The following MLLT3 variants were observed in gnomAD, a reference collection of about 807,000 sequenced individuals.
MLLT3 encodes the protein MLLT3 super elongation complex subunit.
In MLLT3, 4 loss-of-function variants were observed where a neutral mutation model predicts 53.2. The observed-to-expected ratio is 0.08, with a 90% CI of 0.04 to 0.17. The LOEUF (loss-of-function observed/expected upper bound fraction) is 0.17, where lower values mean the gene tolerates loss of function less well. Ranked by LOEUF, MLLT3 falls within the 10% of genes least tolerant of loss-of-function variation. The pLI is 1.00. For synonymous variants in MLLT3, 283 were observed against 230.6 expected, an observed-to-expected ratio of 1.23 and a Z score of -2.06; for missense variants, 569 against 684.0, an observed-to-expected ratio of 0.83 and a Z score of 1.87.
intron 2 of MLLT3, among the ~76,000 whole-genome samples, chr9:20,497,205 C>G (rs1405564650): frequency 6.6e-6 from 1 of 152,166 alleles, no homozygotes; most frequent in Non-Finnish European, 1.5e-5. Context: ...TAGAATATGG[C>G]CTGGGGTCTA....
chr9:20,451,670 C>T (rs754434144), intron 3 of MLLT3, among the ~76,000 whole-genome samples: 1 of 152,156 alleles, frequency 6.6e-6, no homozygotes, highest in Non-Finnish European at 1.5e-5. Context: ...AATGAGAAAG[C>T]ATGTGCTTGC....
chr9:20,587,690 T>A (rs1454607256), intron 2 of MLLT3, among the ~76,000 whole-genome samples: 1 of 152,092 alleles, frequency 6.6e-6, no homozygotes, highest in Non-Finnish European at 1.5e-5. Context: ...ATGGGGTTGT[T>A]TGTTTTTTTC....
intron 2 of MLLT3, among the ~76,000 whole-genome samples, chr9:20,549,050 A>G (rs1388940519): frequency 3.3e-5 from 5 of 152,120 alleles, no homozygotes; most frequent in African/African-American, 4.8e-5. Context: ...CCTGGGCTCA[A>G]GCAATCCACA....
At chr9:20,396,869 C>A (rs992358132) in intron 5 of MLLT3, among the ~76,000 whole-genome samples, 1 of 152,052 alleles carries the variant, frequency 6.6e-6, no homozygotes, top group Non-Finnish European at 1.5e-5. Flanking sequence ...AAAAAAGAAC[C>A]ACAATCCAAG....
At chr9:20,541,487 A>G (rs562844217) in intron 2 of MLLT3, among the ~76,000 whole-genome samples, 24 of 152,344 alleles carry the variant, frequency 1.6e-4, no homozygotes, top group Non-Finnish European at 3.2e-4. Flanking sequence ...CAATCATGGC[A>G]GAGAGAGAAG....
chr9:20,581,705 G>T (rs990628553), intron 2 of MLLT3, among the ~76,000 whole-genome samples: 3 of 152,134 alleles, frequency 2.0e-5, no homozygotes, highest in Non-Finnish European at 2.9e-5. Flanking sequence ...CATATAAGAT[G>T]CAGGAACACT....
intron 5 of MLLT3, among the ~76,000 whole-genome samples, chr9:20,388,116 C>A (rs1822086698): frequency 6.6e-6 from 1 of 152,150 alleles, no homozygotes; most frequent in Admixed American, 6.5e-5. Context: ...CAAATTGATT[C>A]TTGCATAGAC....
intron 5 of MLLT3, among the ~76,000 whole-genome samples, chr9:20,380,681 T>A (rs138706862): frequency 6.6e-6 from 1 of 151,958 alleles, no homozygotes; most frequent in South Asian, 2.1e-4. Flanking sequence ...TTAAACACCA[T>A]AGACCGAAAA....
intron 2 of MLLT3, among the ~76,000 whole-genome samples, chr9:20,467,550 C>T (rs1309566360): frequency 6.6e-6 from 1 of 152,154 alleles, no homozygotes; most frequent in Non-Finnish European, 1.5e-5. Flanking sequence ...TGCACTCCAG[C>T]CTGGCGACAG....
At chr9:20,452,698 T>C (rs967601761) in intron 3 of MLLT3, among the ~76,000 whole-genome samples, 3 of 152,032 alleles carry the variant, frequency 2.0e-5, no homozygotes, top group African/African-American at 7.2e-5. Flanking sequence ...TTCAGTAACA[T>C]GAAAAATAAA....
chr9:20,535,429 G>A (rs984042272), intron 2 of MLLT3, among the ~76,000 whole-genome samples: 48 of 152,068 alleles, frequency 3.2e-4, no homozygotes, highest in African/African-American at 1.1e-3. Flanking sequence ...AGCACCACAG[G>A]GTCAATCAGG....
At chr9:20,574,303 C>T (rs1405708923) in intron 2 of MLLT3, among the ~76,000 whole-genome samples, 5 of 152,138 alleles carry the variant, frequency 3.3e-5, no homozygotes, top group Admixed American at 6.5e-5. Context: ...AACCTAATTC[C>T]ACTGTCTGAA....
intron 2 of MLLT3, among the ~76,000 whole-genome samples, chr9:20,577,481 G>A (rs939312973): frequency 1.2e-4 from 18 of 152,124 alleles, no homozygotes; most frequent in African/African-American, 3.6e-4. Context: ...CTTAACCCAT[G>A]TACCTTTTCA....
At chr9:20,353,681 GGCA>G in intron 9 of MLLT3, 85 bp from the exon 10 acceptor site, 5 of 1,162,516 alleles carry the variant, frequency 4.3e-6, no homozygotes, top group South Asian at 3.8e-5. Flanking sequence ...AGAACACACA[GGCA>G]GCAGCAGCTG....
chr9:20,414,673 G>C (rs537070488), intron 4 of MLLT3, among the ~76,000 whole-genome samples: 25 of 152,248 alleles, frequency 1.6e-4, no homozygotes, highest in Non-Finnish European at 3.1e-4. Flanking sequence ...CTGAAGCATG[G>C]AGTTTTAAAA....
chr9:20,427,981 T>C (rs1158108232), intron 4 of MLLT3, among the ~76,000 whole-genome samples: 1 of 152,122 alleles, frequency 6.6e-6, no homozygotes. Flanking sequence ...CTCTGTTGCA[T>C]AGGATGGCAG....
At chr9:20,619,573 G>C (rs192612540) in intron 2 of MLLT3, among the ~76,000 whole-genome samples, 1 of 152,300 alleles carries the variant, frequency 6.6e-6, no homozygotes, top group African/African-American at 2.4e-5. Context: ...GGATCAAATG[G>C]AAGATAACTA....
intron 2 of MLLT3, chr9:20,532,809 G>C: frequency 3.7e-6 from 1 of 267,988 alleles, no homozygotes; most frequent in South Asian, 5.3e-5. Context: ...GTTCACCCAG[G>C]CCCTGGACCA....
At chr9:20,546,281 A>G (rs1471954636) in intron 2 of MLLT3, among the ~76,000 whole-genome samples, 1 of 152,188 alleles carries the variant, frequency 6.6e-6, no homozygotes, top group Non-Finnish European at 1.5e-5. Context: ...TCCCATTGCC[A>G]CTTAAAAAAT....
Sources: allele counts gnomAD v4.1 joint callset (sites outside exome capture counted in the v4.1 genomes callset), GRCh38; gene constraint gnomAD v4.1.1; transcripts MANE v1.5; gene names NCBI Gene and HGNC (gene_info 2026-07-23, HGNC 2026-07-21).